Variants in GIT2 observed in about 807,000 individuals in gnomAD.
The protein encoded by GIT2 is ARF GTPase-activating protein GIT2.
Under a neutral mutation model 100.3 loss-of-function variants are expected in GIT2, and 32 were observed. The ratio of observed to expected loss-of-function variants is 0.32; its 90% CI spans 0.24 to 0.43. The LOEUF (loss-of-function observed/expected upper bound fraction) is 0.43. Among genes scored for constraint, GIT2 ranks in the 20% least tolerant of loss-of-function variants. The pLI is 1.00. For missense variants in GIT2, 737 were observed against 975.1 expected (o/e 0.76, Z 3.25); for synonymous variants, 353 against 364.1 (o/e 0.97, Z 0.35).
chr12:109,989,162 C>A, intron 3 of GIT2, 94 bp from the exon 4 acceptor site: 1 of 779,004 alleles, frequency 1.3e-6, no homozygotes, highest in Non-Finnish European at 2.3e-6. Context: ...TGACCCACAT[C>A]CCCCACTTGA....
At chr12:109,989,131 T>C in intron 3 of GIT2, 63 bp from the exon 4 acceptor site, 1 of 1,012,496 alleles carries the variant, frequency 9.9e-7, no homozygotes. Flanking sequence ...CCATTCTTTG[T>C]ACTGTAAAAA....
intron 16 of GIT2, among the ~76,000 whole-genome samples, chr12:109,942,536 G>T (rs1471509755): frequency 6.6e-6 from 1 of 152,136 alleles, no homozygotes; most frequent in Non-Finnish European, 1.5e-5. Flanking sequence ...GTTTCACTGT[G>T]TTGCTCAGGA....
chr12:109,964,637 AC>A, intron 9 of GIT2, among the ~76,000 whole-genome samples: 1 of 116,314 alleles, frequency 8.6e-6, no homozygotes, highest in African/African-American at 3.8e-5. Flanking sequence ...ACACACACAC[AC>A]ACACACACAC....
chr12:109,953,092 C>T lies in GIT2; in HGVS notation c.1242G>A (p.Lys414=). ...TTCCATGGGACGCATGGCCTCTCAC[C>T]TTCTGCCGGTTTGTTTTGCTTGCAG... ...ETTASKTNRQ[K]SLDSDLSDGP... Residue 414 remains lysine (K), a splice_region_variant and synonymous_variant, in exon 13 of 20, where the codon AAG becomes AAA. Transcript: ENST00000355312. 6.2e-7 allele frequency: 1 copy of T among 1,613,834 alleles called. No homozygotes were observed. The highest frequency in any genetic ancestry group is 8.5e-7 in the Non-Finnish European group (1 of 1,179,742).
intron 3 of GIT2, 27 bp downstream of exon 3, chr12:109,989,663 A>G (rs1179367165): frequency 5.0e-6 from 6 of 1,202,474 alleles, no homozygotes; most frequent in South Asian, 1.2e-5. Context: ...ATGAAGAAAT[A>G]AAAGTATTTA....
At chr12:109,993,241 T>G (rs1413461530) in intron 1 of GIT2, among the ~76,000 whole-genome samples, 1 of 152,164 alleles carries the variant, frequency 6.6e-6, no homozygotes, top group Non-Finnish European at 1.5e-5. Context: ...AAGAAAGAGC[T>G]ATACTTCGTC....
rs186554028 is a variant in GIT2, at chr12:109,976,307, C to T, written c.718+4645G>A. On this transcript the variant is annotated intron_variant, in intron 7 of 19. Transcript: ENST00000355312. The stretch of plus-strand genomic sequence containing the variant: ...AATTTTTTTTTTTTTTTTTTTGAGA[C>T]GGAGTCTCACTCTGTCGCCCAGGTT... 5.8e-3 allele frequency among the ~76,000 whole-genome samples: 744 copies of T among 127,654 alleles called. 9 individuals are homozygous for T. The highest frequency in any genetic ancestry group is 0.022 in the African/African-American group (712 of 32,172). The allele number at this position is 127,654 out of a possible 152,430, so 83.7% of individuals were successfully genotyped here. A position where few individuals can be genotyped will look rare whatever the true frequency, so the allele number is the denominator to read the frequency against.
chr12:109,992,145 T>A (rs1460016829), intron 1 of GIT2: 1 of 143,060 alleles, frequency 7.0e-6, no homozygotes, highest in African/African-American at 2.7e-5. Context: ...TAATACTTTT[T>A]TTTTTTTTTT....
chr12:109,947,194 G>C lies in GIT2; in HGVS notation c.1641+62C>G. The stretch of plus-strand genomic sequence containing the variant: ...GCTGTGGGGACCTGTAGGTTCAGAA[G>C]AGGGAACAGAGTAGACAGGCTGCAT... On this transcript the variant is annotated intron_variant, in intron 15 of 19. Coordinates refer to ENST00000355312, the MANE Select transcript of GIT2 (RefSeq NM_057169.5). This position sits in a 1 kb window ranked among gnomAD's most constrained non-coding sequence, Gnocchi z 4.3. The C allele has an allele frequency of 6.6e-7, 1 of 1,518,420 alleles. No homozygotes were observed. Among genetic ancestry groups the C allele is most frequent in the Admixed American group, 1.9e-5 (1 of 52,800 alleles). 94.1% of individuals were successfully genotyped at this position (1,518,420 alleles called of 1,614,324 possible).
Position 109,983,379 on chromosome 12 carries a change from T to A in GIT2, c.617A>T (p.Tyr206Phe). 6.2e-7 allele frequency: 1 copy of A among 1,613,246 alleles called. No individual in the cohort carries two copies. The highest frequency in any genetic ancestry group is 8.5e-7 in the Non-Finnish European group (1 of 1,179,704). ...GAGAATCTAGGTCTCTTACCTTGCA[T>A]AATCAACGGGAGTTTTCCCACTAGA... is the stretch of plus-strand genomic sequence containing the variant. ...QDSSGKTPVD[Y>F]ARQGGHHELA... Residue 206 changes from tyrosine to phenylalanine, a missense_variant, in exon 6 of 20, where the codon TAT becomes TTT. Around this residue, in one of 3 missense-constraint regions of GIT2, gnomAD observed 266 missense variants for 376.2 expected, o/e 0.71. Coordinates refer to ENST00000355312, the MANE Select transcript of GIT2 (RefSeq NM_057169.5).
rs765883365 is a variant in GIT2 at position 109,989,778 on chromosome 12, C to T, written c.211G>A (p.Gly71Ser). The change falls in exon 3 of 20, where the codon GGT (glycine) becomes AGT (serine). Residue 71 changes from glycine to serine, a missense_variant. Gly to Ser is a moderately conservative substitution (Grantham distance 56). Around this residue, in one of 3 missense-constraint regions of GIT2, gnomAD observed 266 missense variants for 376.2 expected, o/e 0.71. Coordinates refer to ENST00000355312, the MANE Select transcript of GIT2 (RefSeq NM_057169.5). ...GAATGCTCCCATATAGAGTTAGCAC[C>T]GTTATTATACAAGGTCTCAACCATC... The part of the protein sequence containing the change: ...LQMVETLYNN[G>S]ANSIWEHSLL... 15 of 1,598,006 alleles carry T rather than the reference C, an allele frequency of 9.4e-6. No homozygotes were observed. Among genetic ancestry groups the T allele is most frequent in the East Asian group, 2.2e-5 (1 of 44,822 alleles).
chr12:109,977,884 A>G (rs1248543405), intron 7 of GIT2, among the ~76,000 whole-genome samples: 1 of 152,074 alleles, frequency 6.6e-6, no homozygotes, highest in Admixed American at 6.6e-5. Flanking sequence ...GAAATCCACA[A>G]TCATTCAAAT....
chr12:109,956,350 A>C (rs1351997769), intron 12 of GIT2, among the ~76,000 whole-genome samples: 2 of 152,206 alleles, frequency 1.3e-5, no homozygotes, highest in African/African-American at 2.4e-5. Flanking sequence ...ATTTTAAAAC[A>C]GTGAAATGAC....
chr12:109,947,242 G>A lies in GIT2; in HGVS notation c.1641+14C>T. The A allele has an allele frequency of 6.2e-7, 1 of 1,609,300 alleles. No individual in the cohort carries two copies. Among genetic ancestry groups the A allele is most frequent in the South Asian group, 1.1e-5 (1 of 90,674 alleles). ...CATAGAGTGAACAGCAGAAGCGCCA[G>A]TGGTGTTACTTACGTGCGCGGGGAA... On this transcript the variant is annotated intron_variant, in intron 15 of 19. Coordinates refer to ENST00000355312, the MANE Select transcript of GIT2 (RefSeq NM_057169.5). The surrounding 1 kb of genome is among the most constrained non-coding windows in gnomAD (Gnocchi z 4.3).
rs888214016 is a variant in GIT2 at position 109,948,808 on chromosome 12, A to G, written c.1393-1304T>C. 1.2e-6 allele frequency: 2 copies of G among 1,604,438 alleles called. No homozygotes were observed. Among genetic ancestry groups the G allele is most frequent in the African/African-American group, 1.3e-5 (1 of 74,644 alleles). The stretch of plus-strand genomic sequence containing the variant: ...AATCTGTGAAAAATACACCAATAGT[A>G]GTTGCTCCTCTTCATTAATTAGCAT... On this transcript the variant is annotated intron_variant, in intron 14 of 19. Coordinates refer to ENST00000355312, the MANE Select transcript of GIT2 (RefSeq NM_057169.5). The surrounding 1 kb of genome is among the most constrained non-coding windows in gnomAD (Gnocchi z 4.3).
At chr12:109,976,283 A>ATTT (rs1187840816) in intron 7 of GIT2, among the ~76,000 whole-genome samples, 23 of 134,920 alleles carry the variant, frequency 1.7e-4, no homozygotes, top group East Asian at 4.2e-4. Flanking sequence ...CTACTAGATA[A>ATTT]TTTTTTTTTT....
rs959949372 is a variant in GIT2, at chr12:109,962,582, T to C, written c.817-897A>G. Among the ~76,000 whole-genome samples the C allele has an allele frequency of 1.8e-4, 28 of 152,260 alleles. No homozygotes were observed. The highest frequency in any genetic ancestry group is 4.1e-4 in the South Asian group (2 of 4,828). ...GCCTCCCTGGGCACATGGAGGATAA[T>C]TGAGGTCTTCCTGGCCCAGATGAGG... On this transcript the variant is annotated intron_variant, in intron 9 of 19. Coordinates refer to ENST00000355312, the MANE Select transcript of GIT2 (RefSeq NM_057169.5). This position sits in a 1 kb window ranked among gnomAD's most constrained non-coding sequence, Gnocchi z 4.3.
intron 12 of GIT2, among the ~76,000 whole-genome samples, chr12:109,957,622 T>C (rs1345866329): frequency 6.6e-6 from 1 of 151,756 alleles, no homozygotes; most frequent in African/African-American, 2.4e-5. Context: ...TTCTCCTGCC[T>C]CAGCCTCCCG....
chr12:109,982,883 T>C (rs1284211430), intron 6 of GIT2: 1 of 152,238 alleles, frequency 6.6e-6, no homozygotes, highest in African/African-American at 2.4e-5. Context: ...TGGCCTCAAG[T>C]AACCCACCCG....
Sources: allele counts gnomAD v4.1 joint callset (sites outside exome capture counted in the v4.1 genomes callset), GRCh38; gene constraint gnomAD v4.1.1; regional missense constraint gnomAD v4.1.1; non-coding constraint Gnocchi (gnomAD v3.1); transcripts MANE v1.5; gene names NCBI Gene and HGNC (gene_info 2026-07-23, HGNC 2026-07-21).